The following ACTR3 variants were observed in gnomAD, a reference collection of about 807,000 sequenced individuals.
The protein encoded by ACTR3 is actin-related protein 3.
In ACTR3, 12 loss-of-function variants were observed where a neutral mutation model predicts 56.8. The observed-to-expected ratio is 0.21, with a 90% CI of 0.14 to 0.34. The LOEUF (loss-of-function observed/expected upper bound fraction) is 0.34, where lower values mean the gene tolerates loss of function less well. Ranked by LOEUF, ACTR3 falls within the 10% of genes least tolerant of loss-of-function variation. ACTR3 has a pLI of 1.00. For synonymous variants in ACTR3, 162 were observed against 167.4 expected (o/e 0.97, Z 0.25); for missense variants, 282 against 512.5 (o/e 0.55, Z 4.34).
At chr2:113,937,861 T>G (rs1679855868) in intron 6 of ACTR3, among the ~76,000 whole-genome samples, 1 of 152,132 alleles carries the variant, frequency 6.6e-6, no homozygotes, top group Non-Finnish European at 1.5e-5. Flanking sequence ...TTCATTGAGC[T>G]TCTTGTATAT....
intron 5 of ACTR3, among the ~76,000 whole-genome samples, chr2:113,933,045 A>G (rs1679751993): frequency 6.6e-6 from 1 of 152,202 alleles, no homozygotes; most frequent in Admixed American, 6.5e-5. Context: ...GAACTATGTT[A>G]ATTTCTTAAT....
intron 7 of ACTR3, among the ~76,000 whole-genome samples, chr2:113,940,538 A>T (rs766308290): frequency 1.3e-5 from 2 of 152,152 alleles, no homozygotes; most frequent in Non-Finnish European, 2.9e-5. Context: ...CTCAAGTGAT[A>T]GGGCACATAG....
chr2:113,897,162 A>G (rs947440361), intron 1 of ACTR3, among the ~76,000 whole-genome samples: 2 of 152,212 alleles, frequency 1.3e-5, no homozygotes, highest in African/African-American at 2.4e-5. Flanking sequence ...GCTGTAGCTT[A>G]CCAAACACGA....
chr2:113,949,404 AAG>A (rs1491562345), intron 8 of ACTR3, among the ~76,000 whole-genome samples: 25 of 139,592 alleles, frequency 1.8e-4, no homozygotes, highest in African/African-American at 5.3e-4. Flanking sequence ...GAAAAAAAAA[AAG>A]AAAAAATTGA....
chr2:113,912,567 A>G (rs1679327268), intron 1 of ACTR3, among the ~76,000 whole-genome samples: 1 of 152,110 alleles, frequency 6.6e-6, no homozygotes, highest in Admixed American at 6.5e-5. Context: ...TCTCCTTCTC[A>G]TTTCTGTTCA....
chr2:113,903,036 A>G (rs973162520), intron 1 of ACTR3, among the ~76,000 whole-genome samples: 1 of 152,228 alleles, frequency 6.6e-6, no homozygotes, highest in Non-Finnish European at 1.5e-5. Context: ...TTTCAACTGT[A>G]AAATACTGTA....
chr2:113,892,836 A>T (rs1051566279), intron 1 of ACTR3, among the ~76,000 whole-genome samples: 1 of 152,222 alleles, frequency 6.6e-6, no homozygotes, highest in Non-Finnish European at 1.5e-5. Context: ...GCTGAAAAAA[A>T]GTGGCCATCT....
chr2:113,911,036 T>G (rs777600365), intron 1 of ACTR3, among the ~76,000 whole-genome samples: 5 of 152,202 alleles, frequency 3.3e-5, no homozygotes, highest in Non-Finnish European at 7.3e-5. Context: ...GTTTTTATTT[T>G]GGTATAGTAG....
chr2:113,894,048 T>G (rs1222683632), intron 1 of ACTR3, among the ~76,000 whole-genome samples: 2 of 152,164 alleles, frequency 1.3e-5, no homozygotes, highest in African/African-American at 4.8e-5. Flanking sequence ...AAGTTCATGT[T>G]TCTTCCATGA....
intron 10 of ACTR3, chr2:113,954,441 T>A (rs1680173658): frequency 6.6e-6 from 1 of 152,058 alleles, no homozygotes; most frequent in African/African-American, 2.4e-5. Flanking sequence ...TAAGCAAGAG[T>A]TTTCCCTTCT....
At chr2:113,890,475 G>A in intron 1 of ACTR3, 152 bp downstream of exon 1, 1 of 1,288,162 alleles carries the variant, frequency 7.8e-7, no homozygotes, top group Non-Finnish European at 1.0e-6. Context: ...GGGGCCCGCA[G>A]CCAGGGCCTC....
intron 3 of ACTR3, among the ~76,000 whole-genome samples, chr2:113,919,822 C>T (rs1212206485): frequency 6.7e-6 from 1 of 149,424 alleles, no homozygotes; most frequent in Non-Finnish European, 1.5e-5. Flanking sequence ...ACAGCTCACT[C>T]ACTGCAGCCT....
intron 1 of ACTR3, among the ~76,000 whole-genome samples, chr2:113,895,161 T>C (rs1195302154): frequency 1.3e-5 from 2 of 151,300 alleles, no homozygotes; most frequent in Non-Finnish European, 2.9e-5. Flanking sequence ...TAGGTTGTGT[T>C]TCTCAGGAAA....
intron 8 of ACTR3, among the ~76,000 whole-genome samples, chr2:113,945,503 G>A (rs1309458454): frequency 6.6e-6 from 1 of 152,086 alleles, no homozygotes; most frequent in Admixed American, 6.5e-5. Context: ...TTGTTATTAG[G>A]TAAATCAATA....
chr2:113,904,997 C>G (rs1233939561), intron 1 of ACTR3: 1 of 152,010 alleles, frequency 6.6e-6, no homozygotes, highest in Non-Finnish European at 1.5e-5. Flanking sequence ...CTCTGTTACT[C>G]ATTTTTCTTT....
At chr2:113,942,464 G>GT (rs1679941045) in intron 8 of ACTR3, 105 bp downstream of exon 8, 1 of 765,446 alleles carries the variant, frequency 1.3e-6, no homozygotes, top group Non-Finnish European at 1.9e-6. Flanking sequence ...TACACTAAAA[G>GT]TTTGAGTTTT....
intron 1 of ACTR3, among the ~76,000 whole-genome samples, chr2:113,907,066 A>G (rs867267287): frequency 6.6e-6 from 1 of 152,174 alleles, no homozygotes; most frequent in African/African-American, 2.4e-5. Context: ...GTTTGTCCCA[A>G]GTCTGAATTC....
At chr2:113,890,435 C>G in intron 1 of ACTR3, 112 bp downstream of exon 1, 1 of 1,330,256 alleles carries the variant, frequency 7.5e-7, no homozygotes, top group Non-Finnish European at 1.0e-6. Flanking sequence ...CGCCGGCTGT[C>G]AGTCCTAGAC....
intron 1 of ACTR3, among the ~76,000 whole-genome samples, chr2:113,907,199 T>C (rs531578967): frequency 6.6e-6 from 1 of 152,334 alleles, no homozygotes; most frequent in Non-Finnish European, 1.5e-5. Flanking sequence ...AAAGAGAGTT[T>C]TTGCTAAATG....
Sources: gnomAD v4.1 joint callset for allele counts (sites outside exome capture counted in the v4.1 genomes callset) on GRCh38, gnomAD v4.1.1 for gene constraint, MANE v1.5 for transcripts, NCBI Gene and HGNC (gene_info 2026-07-23, HGNC 2026-07-21) for gene names.